Variants in PCDH15 observed in about 807,000 individuals in gnomAD.
PCDH15 encodes protocadherin-15.
Under a neutral mutation model 178.5 loss-of-function variants are expected in PCDH15, and 129 were observed. That is an observed-to-expected ratio of 0.72 (90% CI 0.63 to 0.84). The LOEUF (loss-of-function observed/expected upper bound fraction) is 0.84, where lower values mean the gene tolerates loss of function less well. Ranked by LOEUF, PCDH15 falls within the 40% of genes least tolerant of loss-of-function variation. The pLI is 0.00. For missense variants in PCDH15, 2,230 were observed against 2,099.9 expected (o/e 1.06, Z -1.21); for synonymous variants, 800 against 732.0 (o/e 1.09, Z -1.50).
chr10:55,173,166 C>CT (rs1011589331), intron 1 of PCDH15, among the ~76,000 whole-genome samples: 75 of 146,640 alleles, frequency 5.1e-4, no homozygotes, highest in South Asian at 2.1e-3. Context: ...TTCCTTGCCA[C>CT]TTTTTTTTTT....
At chr10:53,943,808 C>A (rs189127960) in intron 23 of PCDH15, among the ~76,000 whole-genome samples, 1 of 152,022 alleles carries the variant, frequency 6.6e-6, no homozygotes, top group Admixed American at 6.6e-5. Context: ...ATACAATCTT[C>A]TCCCAAAAAG....
chr10:53,846,735 T>C (rs940778115), intron 28 of PCDH15, among the ~76,000 whole-genome samples: 3 of 152,016 alleles, frequency 2.0e-5, no homozygotes, highest in Non-Finnish European at 4.4e-5. Context: ...TGAAAAACTG[T>C]AGTGTAAGGT....
intron 18 of PCDH15, among the ~76,000 whole-genome samples, chr10:54,058,481 T>G (rs2135715914): frequency 6.6e-6 from 1 of 152,206 alleles, no homozygotes; most frequent in South Asian, 2.1e-4. Context: ...TTACTCACTA[T>G]CCCAAGAACA....
chr10:54,206,664 G>A (rs1319276), intron 10 of PCDH15, among the ~76,000 whole-genome samples: 136,740 of 152,082 alleles, frequency 0.9, 61,638 homozygotes, highest in East Asian at 0.98. Flanking sequence ...TATCTAAATC[G>A]TTTATTTTTC....
At chr10:54,376,443 T>C (rs550790284) in intron 4 of PCDH15, among the ~76,000 whole-genome samples, 3 of 150,912 alleles carry the variant, frequency 2.0e-5, no homozygotes, top group Admixed American at 6.6e-5. Context: ...TATATTTACA[T>C]ATATGAATAT....
At chr10:54,021,239 G>A (rs1254377263) in intron 19 of PCDH15, among the ~76,000 whole-genome samples, 1 of 151,986 alleles carries the variant, frequency 6.6e-6, no homozygotes, top group Non-Finnish European at 1.5e-5. Flanking sequence ...ACTGGCAAAT[G>A]CACCTCAGGT....
chr10:54,659,477 G>T (rs1682733631), intron 2 of PCDH15, among the ~76,000 whole-genome samples: 1 of 152,144 alleles, frequency 6.6e-6, no homozygotes, highest in South Asian at 2.1e-4. Flanking sequence ...TATCAGCCGG[G>T]TGCAGTGGCT....
At chr10:54,525,201 T>C (rs2132616639) in intron 3 of PCDH15, among the ~76,000 whole-genome samples, 2 of 152,326 alleles carry the variant, frequency 1.3e-5, no homozygotes, top group East Asian at 3.9e-4. Flanking sequence ...TGAATGTATT[T>C]AGATATAGAG....
At chr10:54,863,846 G>A (rs1953890772) in intron 3 of PCDH15, among the ~76,000 whole-genome samples, 2 of 152,146 alleles carry the variant, frequency 1.3e-5, no homozygotes, top group African/African-American at 2.4e-5. Flanking sequence ...TGGATTGCAG[G>A]ATGTAACTAA....
At chr10:55,248,348 G>A (rs1249512383) in intron 1 of PCDH15, among the ~76,000 whole-genome samples, 2 of 151,774 alleles carry the variant, frequency 1.3e-5, no homozygotes, top group Non-Finnish European at 2.9e-5. Context: ...CAAATTTTCA[G>A]GTTTTTGCAT....
intron 3 of PCDH15, among the ~76,000 whole-genome samples, chr10:54,464,467 T>C (rs1348428753): frequency 2.0e-5 from 3 of 152,184 alleles, no homozygotes; most frequent in South Asian, 2.1e-4. Flanking sequence ...GGAGTTTATA[T>C]GCATTTTGGG....
intron 8 of PCDH15, among the ~76,000 whole-genome samples, chr10:54,291,371 GA>G (rs767307625): frequency 3.9e-5 from 6 of 152,154 alleles, no homozygotes; most frequent in Non-Finnish European, 5.9e-5. Context: ...GAGAAAGCAG[GA>G]AAGATCTAAA....
At chr10:55,528,840 C>A (rs909629537) in intron 2 of PCDH15, among the ~76,000 whole-genome samples, 1 of 152,118 alleles carries the variant, frequency 6.6e-6, no homozygotes, top group East Asian at 1.9e-4. Context: ...TACAGTCCCA[C>A]CAACAGTGTA....
intron 2 of PCDH15, among the ~76,000 whole-genome samples, chr10:55,017,288 T>C (rs539827128): frequency 1.1e-4 from 16 of 152,246 alleles, no homozygotes; most frequent in African/African-American, 3.8e-4. Flanking sequence ...CTCCTTCTAC[T>C]TTCTCCCATA....
intron 3 of PCDH15, among the ~76,000 whole-genome samples, chr10:54,523,179 C>CA (rs2083051787): frequency 6.6e-6 from 1 of 152,070 alleles, no homozygotes; most frequent in Admixed American, 6.6e-5. Flanking sequence ...ATCTAGAAAG[C>CA]AAAAACTTGG....
intron 26 of PCDH15, among the ~76,000 whole-genome samples, chr10:53,879,903 T>C (rs2080575053): frequency 6.6e-6 from 1 of 152,198 alleles, no homozygotes. Context: ...CCGCCTGCCT[T>C]GGCCTCCCAA....
chr10:54,871,646 T>A (rs1314351115), intron 3 of PCDH15, among the ~76,000 whole-genome samples: 1 of 152,110 alleles, frequency 6.6e-6, no homozygotes, highest in Non-Finnish European at 1.5e-5. Flanking sequence ...ATAGATTGAT[T>A]ATTAATCAAT....
intron 37 of PCDH15, 51 bp from the exon 38 acceptor site, chr10:53,807,181 G>A (rs887541702): frequency 7.0e-7 from 1 of 1,420,188 alleles, no homozygotes; most frequent in Admixed American, 2.4e-5. Flanking sequence ...AATTAAAAAG[G>A]CAATGATTAC....
At chr10:55,490,194 GA>G (rs1840381724) in intron 2 of PCDH15, among the ~76,000 whole-genome samples, 1 of 151,736 alleles carries the variant, frequency 6.6e-6, no homozygotes, top group Admixed American at 6.6e-5. Context: ...CTACAATTCA[GA>G]AAGAAAACAC....
Sources: allele counts gnomAD v4.1 joint callset (sites outside exome capture counted in the v4.1 genomes callset), GRCh38; gene constraint gnomAD v4.1.1; transcripts MANE v1.5; gene names NCBI Gene and HGNC (gene_info 2026-07-23, HGNC 2026-07-21).